The following FGF17 variants were observed in gnomAD, a reference collection of about 807,000 sequenced individuals.
The protein encoded by FGF17 is fibroblast growth factor 17.
In FGF17, 5 loss-of-function variants were observed where a neutral mutation model predicts 23.5. The ratio of observed to expected loss-of-function variants is 0.21; its 90% CI spans 0.11 to 0.45. The LOEUF is 0.45. FGF17 is among the 20% of genes least tolerant of loss of function. The pLI is 0.99. For missense variants in FGF17, 221 were observed against 306.9 expected, an observed-to-expected ratio of 0.72 and a Z score of 2.09; for synonymous variants, 136 against 123.0, an observed-to-expected ratio of 1.11 and a Z score of -0.70.
In FGF17 at chr8:22,045,243, C is replaced by T. The variant is rs148265325; in HGVS notation, c.73-871C>T. 3.5e-4 allele frequency: 346 copies of T among 985,538 alleles called. No homozygotes were observed. The African/African-American group carries it at 5.6e-3, about 16-fold the overall frequency. 61.0% of individuals were successfully genotyped at this position (985,538 alleles called of 1,614,324 possible). The stretch of plus-strand genomic sequence containing the variant: ...CCCAAAGGGGAAGCAGGTGGGCGGG[C>T]GCATCCCACCAACTGGCCAGGAGCC... On this transcript the variant is annotated intron_variant, in intron 2 of 4. Transcript: ENST00000359441.
intron 2 of FGF17, chr8:22,045,641 C>T: frequency 3.8e-6 from 4 of 1,059,524 alleles, no homozygotes; most frequent in Non-Finnish European, 4.6e-6. Flanking sequence ...GGCAAGGGGT[C>T]TTTCAAGGCC....
intron 3 of FGF17, 47 bp from the exon 4 acceptor site, chr8:22,046,480 C>A: frequency 1.3e-6 from 2 of 1,521,766 alleles, no homozygotes; most frequent in African/African-American, 1.4e-5. Context: ...TAGCCATAGG[C>A]CGGCAGCCCC....
rs149659704 is a variant in FGF17 at position 22,046,200 on chromosome 8, C to T, written c.159C>T (p.Arg53=). ...ACCAGCTGAGCAGGCGGCAGATCCG[C>T]GAGTACCAACTCTACAGCAGGACCA... ...MTDQLSRRQI[R]EYQLYSRTSG... is the part of the protein sequence containing the mutation. The change falls in exon 3 of 5, where the codon CGC becomes CGT. Residue 53 remains arginine (R), a synonymous_variant. Coordinates refer to ENST00000359441, the MANE Select transcript of FGF17 (RefSeq NM_003867.4). 460 of 1,614,070 alleles carry T rather than the reference C, an allele frequency of 2.8e-4. 5 individuals are homozygous for T. The East Asian group carries it at 9.2e-3, about 32-fold the overall frequency.
chr8:22,045,781 C>A, intron 2 of FGF17: 1 of 1,241,154 alleles, frequency 8.1e-7, no homozygotes, highest in South Asian at 1.6e-5. Flanking sequence ...GCTGTGTGCC[C>A]CGTGCACCTC....
chr8:22,042,994 C>T lies in FGF17; in HGVS notation c.35+31C>T, dbSNP rs3176266. On this transcript the variant is annotated intron_variant, in intron 1 of 4. Transcript: ENST00000359441. ...TGTGCTACCTCTCCCACTGGAGTTT[C>T]GTTGCCATTTCCAGCCTCAGGGCAG... 138 of 1,611,118 alleles carry T rather than the reference C, an allele frequency of 8.6e-5. No individual in the cohort carries two copies. The African/African-American group carries it at 9.2e-4, about 11-fold the overall frequency.
chr8:22,046,512 C>A lies in FGF17; in HGVS notation c.251-15C>A. 1.2e-6 allele frequency: 2 copies of A among 1,604,672 alleles called. No individual in the cohort carries two copies. Among genetic ancestry groups the A allele is most frequent in the African/African-American group, 1.3e-5 (1 of 74,726 alleles). On this transcript the variant is annotated splice_polypyrimidine_tract_variant and intron_variant, in intron 3 of 4. Coordinates refer to ENST00000359441, the MANE Select transcript of FGF17 (RefSeq NM_003867.4). Reference sequence around the variant, plus strand: ...CCCCGATGGACGGAGGTCTTTCTCCCCTCCCCCACCACAGCCAAGCTCATA... The same window carrying A: ...CCCCGATGGACGGAGGTCTTTCTCCACTCCCCCACCACAGCCAAGCTCATA...
Position 22,046,179 on chromosome 8 carries a change from G to T in FGF17, c.138G>T (p.Gln46His), listed in dbSNP as rs1800861662. 13 of 1,614,044 alleles carry T rather than the reference G, an allele frequency of 8.1e-6. No homozygotes were observed. Among genetic ancestry groups the T allele is most frequent in the Non-Finnish European group, 1.1e-5 (13 of 1,180,060 alleles). ...GGGACCAGGGCGCCATGACCGACCA[G>T]CTGAGCAGGCGGCAGATCCGCGAGT... ...YVRDQGAMTD[Q>H]LSRRQIREYQ... The change falls in exon 3 of 5, where the codon CAG (glutamine) becomes CAT (histidine). Residue 46 changes from glutamine to histidine, a missense_variant. Physicochemically the swap from Gln to His is conservative, Grantham distance 24. Around this residue, in one of 3 missense-constraint regions of FGF17, gnomAD observed 58 missense variants for 121.0 expected, o/e 0.48. Transcript: ENST00000359441.
chr8:22,042,758 C>T, upstream of FGF17: 1 of 637,038 alleles, frequency 1.6e-6, no homozygotes, highest in Non-Finnish European at 2.8e-6. Context: ...TCCTCCCCCT[C>T]CTCCTCCCTC....
At chr8:22,044,779 A>G in intron 2 of FGF17, 1 of 985,452 alleles carries the variant, frequency 1.0e-6, no homozygotes, top group Non-Finnish European at 1.2e-6. Flanking sequence ...AACCCCGCGC[A>G]GGTTAAATGT....
chr8:22,043,403 A>G (rs1044523713), intron 2 of FGF17, among the ~76,000 whole-genome samples: 1 of 151,986 alleles, frequency 6.6e-6, no homozygotes, highest in Non-Finnish European at 1.5e-5. Context: ...GACCCTCCCC[A>G]CTTCCCCTGG....
At chr8:22,045,807 G>A (rs1800852205) in intron 2 of FGF17, 2 of 1,300,876 alleles carry the variant, frequency 1.5e-6, no homozygotes, top group African/African-American at 1.5e-5. Flanking sequence ...TAGAATACGA[G>A]GACGGGATAG....
chr8:22,041,266 G>A (rs190983091), upstream of FGF17, among the ~76,000 whole-genome samples: 42 of 152,318 alleles, frequency 2.8e-4, no homozygotes, highest in African/African-American at 8.9e-4. Context: ...AGGAGACCCC[G>A]GAGCTGCCTG....
Position 22,044,847 on chromosome 8 carries a change from C to T in FGF17, c.73-1267C>T, listed in dbSNP as rs570277742. The T allele has an allele frequency of 5.1e-6, 5 of 985,406 alleles. No homozygotes were observed. The South Asian group carries it at 1.9e-4, about 37-fold the overall frequency. The allele number at this position is 985,406 out of a possible 1,614,324, so 61.0% of individuals were successfully genotyped here. A position where few individuals can be genotyped will look rare whatever the true frequency, so the allele number is the denominator to read the frequency against. On this transcript the variant is annotated intron_variant, in intron 2 of 4. Transcript: ENST00000359441. ...GCCTCAAAGGTGATATTTCCCACCC[C>T]CTCCCTAGGAGAGAGTAGCCCCTAA...
rs756143791 is a variant in FGF17, at chr8:22,043,004, TC to T, written c.35+43del. On this transcript the variant is annotated intron_variant, in intron 1 of 4. Coordinates refer to ENST00000359441, the MANE Select transcript of FGF17 (RefSeq NM_003867.4). Reference sequence around the variant, plus strand: ...CTCCCACTGGAGTTTCGTTGCCATTTCCAGCCTCAGGGCAGCCCTCCTCTTC... The same window carrying T: ...CTCCCACTGGAGTTTCGTTGCCATTTCAGCCTCAGGGCAGCCCTCCTCTTC... The T allele has an allele frequency of 5.6e-6, 9 of 1,609,856 alleles. No homozygotes were observed. In the South Asian group the frequency reaches 8.9e-5, roughly 16 times the overall value.
intron 2 of FGF17, chr8:22,045,842 C>T: frequency 7.3e-7 from 1 of 1,366,406 alleles, no homozygotes. Flanking sequence ...CTTCCAGCTC[C>T]CAGAGTCCTG....
intron 2 of FGF17, chr8:22,045,883 C>T: frequency 1.4e-6 from 2 of 1,432,966 alleles, no homozygotes; most frequent in Middle Eastern, 1.8e-4. Context: ...CAATAAGTGT[C>T]CCCCAGCCTG....
At chr8:22,046,733 C>A in intron 4 of FGF17, 100 bp downstream of exon 4, 1 of 793,646 alleles carries the variant, frequency 1.3e-6, no homozygotes, top group Non-Finnish European at 2.1e-6. Flanking sequence ...CACACACCCT[C>A]CTGTGTAAAG....
At chr8:22,041,856 G>A (rs1800744530), upstream of FGF17, among the ~76,000 whole-genome samples, 1 of 152,230 alleles carries the variant, frequency 6.6e-6, no homozygotes, top group African/African-American at 2.4e-5. Context: ...GAGACCGGAG[G>A]TCATGGGAAG....
upstream of FGF17, chr8:22,042,599 C>A: frequency 3.7e-6 from 2 of 545,932 alleles, no homozygotes; most frequent in Non-Finnish European, 6.6e-6. Context: ...TTCAGAAGGC[C>A]CCCACCGCTC....
Sources: gnomAD v4.1 joint callset for allele counts (sites outside exome capture counted in the v4.1 genomes callset) on GRCh38, gnomAD v4.1.1 for gene constraint, gnomAD v4.1.1 regional missense constraint, MANE v1.5 for transcripts, NCBI Gene and HGNC (gene_info 2026-07-23, HGNC 2026-07-21) for gene names.